ARNT2: variants seen among roughly 807,000 people sequenced by gnomAD.
ARNT2 encodes aryl hydrocarbon receptor nuclear translocator 2, also known as ARNT protein 2.
Under a neutral mutation model 91.7 loss-of-function variants are expected in ARNT2, and 36 were observed. The ratio of observed to expected loss-of-function variants is 0.39; its 90% CI spans 0.30 to 0.52. ARNT2 has a LOEUF of 0.52. Among genes scored for constraint, ARNT2 ranks in the 20% least tolerant of loss-of-function variants. The pLI is 0.72. For missense variants in ARNT2, 775 were observed against 939.3 expected, an observed-to-expected ratio of 0.83 and a Z score of 2.29; for synonymous variants, 365 against 347.1, an observed-to-expected ratio of 1.05 and a Z score of -0.57.
chr15:80,463,691 G>C (rs1896598974), intron 3 of ARNT2, among the ~76,000 whole-genome samples: 1 of 150,534 alleles, frequency 6.6e-6, no homozygotes, highest in Non-Finnish European at 1.5e-5. Flanking sequence ...CAATTCTCCT[G>C]CCTCAGCCTC....
At chr15:80,511,332 T>C (rs1371336702) in intron 6 of ARNT2, among the ~76,000 whole-genome samples, 1 of 152,058 alleles carries the variant, frequency 6.6e-6, no homozygotes, top group African/African-American at 2.4e-5. Context: ...TGATGAAAAC[T>C]CAGGGACACA....
In ARNT2 at chr15:80,416,581, A is replaced by T. The variant is rs572789099; in HGVS notation, c.31+12035A>T. On this transcript the variant is annotated intron_variant, in intron 1 of 18. Coordinates refer to ENST00000303329, the MANE Select transcript of ARNT2 (RefSeq NM_014862.4). ...GGATTATAAGTTACATTAAGTTCTG[A>T]TGTCTCTTTAGTGTCCTTTAATTCT... 3.9e-5 allele frequency among the ~76,000 whole-genome samples: 6 copies of T among 152,228 alleles called. No homozygotes were observed. In the East Asian group the frequency reaches 1.2e-3, roughly 29 times the overall value.
chr15:80,433,607 G>C (rs1395869504), intron 1 of ARNT2, among the ~76,000 whole-genome samples: 1 of 152,036 alleles, frequency 6.6e-6, no homozygotes, highest in Non-Finnish European at 1.5e-5. Flanking sequence ...CCTAGAAAAG[G>C]CATTTTATAG....
At chr15:80,451,103 A>G in intron 2 of ARNT2, 109 bp downstream of exon 2, 5 of 1,094,380 alleles carry the variant, frequency 4.6e-6, no homozygotes, top group Middle Eastern at 2.0e-4. Flanking sequence ...AAAGCTCAGC[A>G]GTTTGCATCC....
At position 80,591,723 on chromosome 15, in the gene ARNT2, G is replaced by T; in HGVS notation, c.2055+19G>T. The T allele has an allele frequency of 2.5e-6, 4 of 1,613,526 alleles. No homozygotes were observed. Among genetic ancestry groups the T allele is most frequent in the Non-Finnish European group, 3.4e-6 (4 of 1,179,552 alleles). On this transcript the variant is annotated intron_variant, in intron 18 of 18. Transcript: ENST00000303329. This position sits in a 1 kb window ranked among gnomAD's most constrained non-coding sequence, Gnocchi z 5.1. Reference sequence around the variant, plus strand: ...GTTCCAGGTAAATCGAGCGAGCACCGCCTTCTCGTAGGTACCGGCGCCTTC... The same window carrying T: ...GTTCCAGGTAAATCGAGCGAGCACCTCCTTCTCGTAGGTACCGGCGCCTTC...
chr15:80,420,592 A>G (rs182344552), intron 1 of ARNT2, among the ~76,000 whole-genome samples: 20 of 151,940 alleles, frequency 1.3e-4, no homozygotes, highest in South Asian at 1.2e-3. Context: ...TATATTATGA[A>G]CATATGAATA....
chr15:80,467,243 A>T (rs1056157366), intron 3 of ARNT2, among the ~76,000 whole-genome samples: 2 of 152,212 alleles, frequency 1.3e-5, no homozygotes, highest in Non-Finnish European at 2.9e-5. Context: ...CAAGGGGAAA[A>T]GTGATGACAG....
At chr15:80,586,629 G>A (rs1421630394) in intron 17 of ARNT2, among the ~76,000 whole-genome samples, 1 of 152,086 alleles carries the variant, frequency 6.6e-6, no homozygotes, top group African/African-American at 2.4e-5. Context: ...CCTTTGGGAG[G>A]CCGAGGTGGG....
chr15:80,568,779 C>T (rs1243620769), intron 12 of ARNT2, among the ~76,000 whole-genome samples: 1 of 152,234 alleles, frequency 6.6e-6, no homozygotes, highest in Non-Finnish European at 1.5e-5. Flanking sequence ...TTCTCTCTAG[C>T]GCATCTCCTC....
intron 3 of ARNT2, among the ~76,000 whole-genome samples, chr15:80,467,048 A>G (rs1220284589): frequency 6.6e-6 from 1 of 152,226 alleles, no homozygotes; most frequent in Non-Finnish European, 1.5e-5. Flanking sequence ...ATCAGAAGCA[A>G]GTGTGCGTCA....
chr15:80,441,828 T>G (rs1896196003), intron 1 of ARNT2, among the ~76,000 whole-genome samples: 1 of 152,236 alleles, frequency 6.6e-6, no homozygotes, highest in South Asian at 2.1e-4. Context: ...ATGTTTTCTG[T>G]GTTACGGTGA....
chr15:80,429,457 A>C (rs547201381), intron 1 of ARNT2, among the ~76,000 whole-genome samples: 1 of 152,310 alleles, frequency 6.6e-6, no homozygotes, highest in Admixed American at 6.5e-5. Context: ...GCGCCTGGAG[A>C]GGGCATGGAG....
At chr15:80,512,355 G>A (rs1161077166) in intron 6 of ARNT2, among the ~76,000 whole-genome samples, 1 of 152,188 alleles carries the variant, frequency 6.6e-6, no homozygotes, top group Non-Finnish European at 1.5e-5. Flanking sequence ...CTCCTCTCGA[G>A]GCTGAGCCTC....
At position 80,404,611 on chromosome 15, in the gene ARNT2, ACCAGGCGCGCCGGGCGCCCC is replaced by A. The variant is rs1895570113; in HGVS notation, c.31+67_31+86del. ...CAGGCCTTGCCCGGGGCCGGAGCGG[ACCAGGCGCGCCGGGCGCCCC>A]CGGGGGCGCGGAGCCGCAGCTCGGC... is the stretch of plus-strand genomic sequence containing the variant. On this transcript the variant is annotated intron_variant, in intron 1 of 18. Coordinates refer to ENST00000303329, the MANE Select transcript of ARNT2 (RefSeq NM_014862.4). The surrounding 1 kb of genome is among the most constrained non-coding windows in gnomAD (Gnocchi z 5.5). 1.0e-6 allele frequency: 1 copy of A among 1,005,020 alleles called. No individual in the cohort carries two copies. Among genetic ancestry groups the A allele is most frequent in the Admixed American group, 5.8e-5 (1 of 17,316 alleles). The allele number at this position is 1,005,020 out of a possible 1,614,324, so 62.3% of individuals were successfully genotyped here. A position where few individuals can be genotyped will look rare whatever the true frequency, so the allele number is the denominator to read the frequency against.
intron 1 of ARNT2, among the ~76,000 whole-genome samples, chr15:80,409,034 A>G (rs1036421704): frequency 2.6e-5 from 4 of 152,154 alleles, no homozygotes; most frequent in African/African-American, 9.7e-5. Flanking sequence ...TCCCCAGCAG[A>G]GTAGTACATG....
At chr15:80,437,170 T>C (rs1896100194) in intron 1 of ARNT2, among the ~76,000 whole-genome samples, 1 of 152,148 alleles carries the variant, frequency 6.6e-6, no homozygotes. Flanking sequence ...GAAGTGGGCC[T>C]TCACTCCTCA....
intron 11 of ARNT2, among the ~76,000 whole-genome samples, chr15:80,557,711 C>T (rs867895819): frequency 1.3e-5 from 2 of 152,078 alleles, no homozygotes; most frequent in Non-Finnish European, 2.9e-5. Flanking sequence ...CAAGAAACAT[C>T]CTTAGCCCTT....
chr15:80,534,920 C>A (rs868063019), intron 8 of ARNT2, among the ~76,000 whole-genome samples: 1 of 152,178 alleles, frequency 6.6e-6, no homozygotes, highest in Non-Finnish European at 1.5e-5. Context: ...CAGGTTCAGC[C>A]GTTCTCTACT....
chr15:80,568,718 C>G (rs1027627592), intron 12 of ARNT2, among the ~76,000 whole-genome samples: 3 of 152,234 alleles, frequency 2.0e-5, no homozygotes, highest in Non-Finnish European at 1.5e-5. Context: ...TCTCATTCAC[C>G]TCAACAGGCA....
Sources: gnomAD v4.1 joint callset for allele counts (sites outside exome capture counted in the v4.1 genomes callset) on GRCh38, gnomAD v4.1.1 for gene constraint, Gnocchi (gnomAD v3.1) non-coding constraint, MANE v1.5 for transcripts, NCBI Gene and HGNC (gene_info 2026-07-23, HGNC 2026-07-21) for gene names.